The following FAM151B variants were observed in gnomAD, a reference collection of about 807,000 sequenced individuals.
FAM151B encodes protein FAM151B.
A neutral mutation model predicts 31.2 loss-of-function variants in FAM151B; 24 were observed. The ratio of observed to expected loss-of-function variants is 0.77; its 90% CI spans 0.56 to 1.08. The LOEUF (loss-of-function observed/expected upper bound fraction) is 1.08. Ranked by LOEUF, FAM151B falls within the 50% of genes least tolerant of loss-of-function variation. The probability of loss-of-function intolerance (pLI) is 0.00; values close to 1 mark genes in which losing one functional copy is unlikely to be tolerated. For missense variants in FAM151B, 293 were observed against 328.6 expected, an observed-to-expected ratio of 0.89 and a Z score of 0.84; for synonymous variants, 105 against 111.4, an observed-to-expected ratio of 0.94 and a Z score of 0.36.
At chr5:80,494,468 C>CTTTTCT (rs778187542) in intron 1 of FAM151B, among the ~76,000 whole-genome samples, 21 of 43,630 alleles carry the variant, frequency 4.8e-4, no homozygotes, top group African/African-American at 1.6e-3. Flanking sequence ...TTCTTTCTTT[C>CTTTTCT]TTTCTTTCTT....
chr5:80,500,120 A>G (rs1743689778), intron 1 of FAM151B: 1 of 332,286 alleles, frequency 3.0e-6, no homozygotes, highest in Non-Finnish European at 5.5e-6. Flanking sequence ...AGCCCGGAGG[A>G]CATTATGCTA....
intron 1 of FAM151B, among the ~76,000 whole-genome samples, chr5:80,494,472 C>CTTTCTTTCTTTA (rs1743447272): frequency 3.4e-5 from 3 of 87,654 alleles, no homozygotes; most frequent in African/African-American, 7.8e-5. Flanking sequence ...TTCTTTCTTT[C>CTTTCTTTCTTTA]TTTCTTTCTT....
chr5:80,500,624 A>G, intron 1 of FAM151B: 2 of 761,558 alleles, frequency 2.6e-6, no homozygotes, highest in Non-Finnish European at 4.8e-6. Context: ...CAGAGGTGTC[A>G]GTGGTGTGAG....
At chr5:80,538,448 C>CTTTCTTTCTTTCTCTTTCTTTGTT (rs1235874356) in intron 5 of FAM151B, among the ~76,000 whole-genome samples, 24 of 49,354 alleles carry the variant, frequency 4.9e-4, no homozygotes, top group African/African-American at 1.1e-3. Flanking sequence ...TTCTTTCTTT[C>CTTTCTTTCTTTCTCTTTCTTTGTT]TCTTTCTTTC....
At chr5:80,497,559 T>G (rs1243937700) in intron 1 of FAM151B, among the ~76,000 whole-genome samples, 1 of 152,122 alleles carries the variant, frequency 6.6e-6, no homozygotes, top group Non-Finnish European at 1.5e-5. Context: ...AGATCATAGG[T>G]AATTGGATCC....
In FAM151B at chr5:80,501,643, A is replaced by G. The variant is rs1399139427; in HGVS notation, c.26-149A>G. 5.3e-6 allele frequency: 3 copies of G among 564,234 alleles called. No homozygotes were observed. The East Asian group carries it at 9.3e-5, about 17-fold the overall frequency. 35.0% of individuals were successfully genotyped at this position (564,234 alleles called of 1,614,324 possible). ...TGGATATGTTAATTTGCTTCATTAT[A>G]GTAACCTTTTTACTATCTATCTATC... On this transcript the variant is annotated intron_variant, in intron 1 of 5. Transcript: ENST00000282226.
intron 4 of FAM151B, among the ~76,000 whole-genome samples, chr5:80,521,137 T>TTC: frequency 6.9e-6 from 1 of 145,158 alleles, no homozygotes; most frequent in East Asian, 2.0e-4. Flanking sequence ...TTTTTTTTTT[T>TTC]TTTTAAAAAA....
intron 5 of FAM151B, among the ~76,000 whole-genome samples, chr5:80,522,856 T>C (rs1328954128): frequency 2.0e-5 from 3 of 152,092 alleles, no homozygotes; most frequent in Non-Finnish European, 4.4e-5. Context: ...TTTAAATAGA[T>C]TATAAAAGTA....
intron 5 of FAM151B, among the ~76,000 whole-genome samples, chr5:80,522,735 C>G (rs1412490968): frequency 6.6e-6 from 1 of 152,092 alleles, no homozygotes; most frequent in Non-Finnish European, 1.5e-5. Flanking sequence ...GTACTACAGC[C>G]TAGGTGACAG....
At chr5:80,497,130 A>T (rs181826980) in intron 1 of FAM151B, among the ~76,000 whole-genome samples, 5 of 151,704 alleles carry the variant, frequency 3.3e-5, no homozygotes, top group African/African-American at 1.2e-4. Context: ...TCTGTAAATG[A>T]AAACTGCTCA....
intron 5 of FAM151B, among the ~76,000 whole-genome samples, chr5:80,526,196 GA>G (rs201657496): frequency 6.6e-6 from 1 of 151,884 alleles, no homozygotes; most frequent in Non-Finnish European, 1.5e-5. Flanking sequence ...TCATTTGGTT[GA>G]AAAAAATCAG....
intron 5 of FAM151B, among the ~76,000 whole-genome samples, chr5:80,526,039 C>T (rs927085520): frequency 2.6e-5 from 4 of 151,872 alleles, no homozygotes; most frequent in East Asian, 1.9e-4. Context: ...CCTCAGTATA[C>T]GTGGAGGATG....
At chr5:80,538,428 C>G (rs1170839173) in intron 5 of FAM151B, among the ~76,000 whole-genome samples, 1 of 58,204 alleles carries the variant, frequency 1.7e-5, no homozygotes, top group Non-Finnish European at 3.1e-5. Context: ...TTCTTTCTTT[C>G]TTTCTTTCTT....
In FAM151B at chr5:80,519,770, C is replaced by G. The variant is rs1437060011; in HGVS notation, c.395C>G (p.Ala132Gly). 3 of 1,614,104 alleles carry G rather than the reference C, an allele frequency of 1.9e-6. No individual in the cohort carries two copies. The change falls in exon 4 of 6, where the codon GCC becomes GGC. Residue 132 changes from alanine (A) to glycine (G), a missense_variant. By Grantham distance (60) the Ala-to-Gly change is moderately conservative. Transcript: ENST00000282226. Reference protein sequence around the residue: ...RHLKRPVWINADILPGPNGNS... With the variant: ...RHLKRPVWINGDILPGPNGNS... ...CTGAAGCGTCCTGTATGGATTAATG[C>G]CGATATTCTTCCTGGTCCAAATGGA...
chr5:80,533,749 C>CAAA (rs71601590), intron 5 of FAM151B, among the ~76,000 whole-genome samples: 12,316 of 67,324 alleles, frequency 0.18, 1,690 homozygotes, highest in Non-Finnish European at 0.22. Context: ...GACTCCATCT[C>CAAA]AAAAAAAAAA....
chr5:80,514,921 AT>A (rs1246935080), intron 3 of FAM151B, among the ~76,000 whole-genome samples: 49 of 152,182 alleles, frequency 3.2e-4, no homozygotes, highest in Non-Finnish European at 8.8e-5. Flanking sequence ...GGTCTTGTGA[AT>A]TAAAGAACTA....
chr5:80,509,314 C>T (rs867434654), intron 2 of FAM151B, among the ~76,000 whole-genome samples: 3 of 151,968 alleles, frequency 2.0e-5, no homozygotes, highest in Non-Finnish European at 2.9e-5. Context: ...AACACTGCTG[C>T]GAGGTGATTA....
At chr5:80,517,447 A>G (rs1336344760) in intron 3 of FAM151B, among the ~76,000 whole-genome samples, 1 of 152,190 alleles carries the variant, frequency 6.6e-6, no homozygotes, top group Non-Finnish European at 1.5e-5. Flanking sequence ...ACAAAATGTT[A>G]CACCTTTTCT....
chr5:80,506,294 A>G (rs1743961481), intron 2 of FAM151B, among the ~76,000 whole-genome samples: 3 of 152,194 alleles, frequency 2.0e-5, no homozygotes, highest in South Asian at 2.1e-4. Context: ...GTGAACATGA[A>G]AATATGTAGC....
Sources: allele counts gnomAD v4.1 joint callset (sites outside exome capture counted in the v4.1 genomes callset), GRCh38; gene constraint gnomAD v4.1.1; transcripts MANE v1.5; gene names NCBI Gene and HGNC (gene_info 2026-07-23, HGNC 2026-07-21).